Variants in RNF24 observed in about 807,000 individuals in gnomAD.
RNF24 encodes ring finger protein 24.
In RNF24, 14 loss-of-function variants were observed where a neutral mutation model predicts 20.0. That is an observed-to-expected ratio of 0.70 (90% confidence interval 0.46 to 1.10). The LOEUF is 1.10. RNF24 is among the 50% of genes least tolerant of loss of function. RNF24 has a pLI of 0.00. For missense variants in RNF24, 124 were observed against 177.6 expected (o/e 0.70, Z 1.71); for synonymous variants, 45 against 61.1 (o/e 0.74, Z 1.23).
Position 3,934,857 on chromosome 20 carries a change from G to A in RNF24, c.308+137C>T. 1.5e-6 allele frequency: 1 copy of A among 661,272 alleles called. No homozygotes were observed. The highest frequency in any genetic ancestry group is 1.7e-5 in the South Asian group (1 of 59,354). 41.0% of individuals were successfully genotyped at this position (661,272 alleles called of 1,614,324 possible). On this transcript the variant is annotated intron_variant, in intron 5 of 5. Coordinates refer to ENST00000358395, the MANE Select transcript of RNF24 (RefSeq NM_001134337.3). This position sits in a 1 kb window ranked among gnomAD's most constrained non-coding sequence, Gnocchi z 4.0. Reference sequence around the variant, plus strand: ...CACACACACACACATCCCACCTGTAGGGTGCTGTCAGCTTTCTGCATTACA... The same window carrying A: ...CACACACACACACATCCCACCTGTAAGGTGCTGTCAGCTTTCTGCATTACA...
chr20:3,996,095 T>C (rs897846921), intron 1 of RNF24, among the ~76,000 whole-genome samples: 3 of 152,186 alleles, frequency 2.0e-5, no homozygotes, highest in Non-Finnish European at 4.4e-5. Flanking sequence ...CCTCAGGTCA[T>C]ATGAAGCTGT....
chr20:4,000,868 G>T (rs1271085863), intron 1 of RNF24, among the ~76,000 whole-genome samples: 1 of 152,124 alleles, frequency 6.6e-6, no homozygotes, highest in East Asian at 1.9e-4. Flanking sequence ...GGCCAAATAG[G>T]TAACAAATAA....
rs945710109 is a variant in RNF24 at position 3,943,459 on chromosome 20, G to A, written c.228+1718C>T. Among the ~76,000 whole-genome samples, 4 of 152,302 alleles carry A rather than the reference G, an allele frequency of 2.6e-5. No homozygotes were observed. In the South Asian group the frequency reaches 8.3e-4, roughly 32 times the overall value. On this transcript the variant is annotated intron_variant, in intron 4 of 5. Coordinates refer to ENST00000358395, the MANE Select transcript of RNF24 (RefSeq NM_001134337.3). ...TTACTATAAAGCTATTAATAATCAA[G>A]ACAGTGTGGTACTGATGAAGAAACA... is the stretch of plus-strand genomic sequence containing the variant.
At chr20:3,969,469 G>C (rs1425751296) in intron 1 of RNF24, among the ~76,000 whole-genome samples, 2 of 151,032 alleles carry the variant, frequency 1.3e-5, no homozygotes, top group Non-Finnish European at 2.9e-5. Context: ...ACTTAGAGCT[G>C]GCAAAGTTGG....
rs538587485 is a variant in RNF24, at chr20:3,928,942, G to C, written c.*5121C>G. On this transcript the variant is annotated 3_prime_UTR_variant, in exon 6 of 6. Transcript: ENST00000358395. ...TGGCTCACTGCAACTTCTGTCTCCC[G>C]GGTTCAATCAATTCTCCTGTCCCAG... 6.6e-6 allele frequency: 1 copy of C among 151,476 alleles called. No individual in the cohort carries two copies. The highest frequency in any genetic ancestry group is 1.5e-5 in the Non-Finnish European group (1 of 67,850). The allele number at this position is 151,476 out of a possible 1,614,324, so 9.4% of individuals were successfully genotyped here.
At chr20:3,986,614 A>G (rs1209632002) in intron 1 of RNF24, among the ~76,000 whole-genome samples, 1 of 149,576 alleles carries the variant, frequency 6.7e-6, no homozygotes, top group Non-Finnish European at 1.5e-5. Context: ...CCCTCCTGAC[A>G]TCTATATCCC....
At chr20:3,940,774 T>C (rs775265881) in intron 4 of RNF24, among the ~76,000 whole-genome samples, 2 of 152,144 alleles carry the variant, frequency 1.3e-5, no homozygotes, top group Non-Finnish European at 2.9e-5. Context: ...GGAAGAGGCA[T>C]AAAAACTGTC....
intron 1 of RNF24, among the ~76,000 whole-genome samples, chr20:4,003,789 T>A (rs560925813): frequency 6.6e-6 from 1 of 151,966 alleles, no homozygotes; most frequent in African/African-American, 2.4e-5. Flanking sequence ...ATTACAGGCA[T>A]GTGCCACCAC....
intron 1 of RNF24, among the ~76,000 whole-genome samples, chr20:4,003,033 G>A (rs1204978736): frequency 1.3e-5 from 2 of 152,166 alleles, no homozygotes; most frequent in Middle Eastern, 3.2e-3. Context: ...GCAGTGGCGC[G>A]ATCTCAGAAC....
At chr20:3,983,758 T>C (rs1979630952) in intron 1 of RNF24, among the ~76,000 whole-genome samples, 1 of 151,728 alleles carries the variant, frequency 6.6e-6, no homozygotes, top group Admixed American at 6.6e-5. Flanking sequence ...CTAGCCAACA[T>C]GGTGAAACCC....
intron 1 of RNF24, among the ~76,000 whole-genome samples, chr20:3,987,756 T>C (rs901626539): frequency 6.6e-6 from 1 of 152,234 alleles, no homozygotes; most frequent in Non-Finnish European, 1.5e-5. Flanking sequence ...GCTCAGCCTC[T>C]TCTGTGATTG....
At chr20:3,999,490 C>T (rs1316770822) in intron 1 of RNF24, among the ~76,000 whole-genome samples, 1 of 152,194 alleles carries the variant, frequency 6.6e-6, no homozygotes, top group Non-Finnish European at 1.5e-5. Flanking sequence ...TGCAGTGGCT[C>T]ACGCCTGTAA....
chr20:3,998,773 T>A (rs866737511), intron 1 of RNF24, among the ~76,000 whole-genome samples: 67 of 133,716 alleles, frequency 5.0e-4, no homozygotes, highest in Non-Finnish European at 7.5e-4. Flanking sequence ...AAAATTAAAT[T>A]AAAAAAAATA....
chr20:3,995,295 T>C (rs930020802), intron 1 of RNF24, among the ~76,000 whole-genome samples: 5 of 152,158 alleles, frequency 3.3e-5, no homozygotes, highest in South Asian at 2.1e-4. Context: ...TAGGAATCAT[T>C]TGGGCCTGAG....
At chr20:3,966,796 G>A (rs780581404) in intron 1 of RNF24, among the ~76,000 whole-genome samples, 4 of 152,170 alleles carry the variant, frequency 2.6e-5, no homozygotes, top group Non-Finnish European at 5.9e-5. Context: ...TACAATTCTT[G>A]TAGCATTCTG....
At chr20:3,959,513 G>A (rs545632226) in intron 2 of RNF24, among the ~76,000 whole-genome samples, 5 of 151,870 alleles carry the variant, frequency 3.3e-5, no homozygotes, top group Non-Finnish European at 5.9e-5. Context: ...ACTATTTATG[G>A]GGTACATGTA....
At chr20:3,980,674 G>A (rs1979304097) in intron 1 of RNF24, among the ~76,000 whole-genome samples, 2 of 152,148 alleles carry the variant, frequency 1.3e-5, no homozygotes, top group Admixed American at 1.3e-4. Flanking sequence ...ATTTAAAGGT[G>A]TAAGCATAAT....
chr20:3,984,643 A>C (rs1481322963), intron 1 of RNF24, among the ~76,000 whole-genome samples: 2 of 152,220 alleles, frequency 1.3e-5, no homozygotes, highest in Admixed American at 6.5e-5. Flanking sequence ...GGGTTCAAAA[A>C]TCTTTTATCT....
At chr20:3,950,321 A>G (rs1430464356) in intron 2 of RNF24, among the ~76,000 whole-genome samples, 3 of 152,218 alleles carry the variant, frequency 2.0e-5, no homozygotes, top group African/African-American at 7.2e-5. Flanking sequence ...CCTTATAAGA[A>G]GAGGAGAGGA....
Sources: allele counts gnomAD v4.1 joint callset (sites outside exome capture counted in the v4.1 genomes callset), GRCh38; gene constraint gnomAD v4.1.1; non-coding constraint Gnocchi (gnomAD v3.1); transcripts MANE v1.5; gene names NCBI Gene and HGNC (gene_info 2026-07-23, HGNC 2026-07-21).